SNTG1: variants seen among roughly 807,000 people sequenced by gnomAD.
SNTG1 encodes gamma-1-syntrophin.
SNTG1 carries 39 observed loss-of-function variants against 74.7 expected under a neutral mutation model. That is an observed-to-expected ratio of 0.52 (90% CI 0.40 to 0.68). SNTG1 has a LOEUF of 0.68. Among genes scored for constraint, SNTG1 ranks in the 30% least tolerant of loss-of-function variants. The pLI is 0.00. For synonymous variants in SNTG1, 254 were observed against 217.1 expected (o/e 1.17, Z -1.49); for missense variants, 685 against 609.5 (o/e 1.12, Z -1.30).
At chr8:49,983,831 C>G (rs1456128875) in intron 1 of SNTG1, among the ~76,000 whole-genome samples, 2 of 152,206 alleles carry the variant, frequency 1.3e-5, no homozygotes, top group Admixed American at 1.3e-4. Flanking sequence ...TAATGTTGCT[C>G]TACTGAAAAT....
intron 17 of SNTG1, among the ~76,000 whole-genome samples, chr8:50,734,534 A>G (rs1056689039): frequency 7.3e-4 from 110 of 150,934 alleles, no homozygotes; most frequent in Non-Finnish European, 1.4e-3. Context: ...TTTAAAATAT[A>G]AAAATTTTAA....
intron 12 of SNTG1, among the ~76,000 whole-genome samples, chr8:50,576,232 C>G (rs1274951979): frequency 1.3e-5 from 2 of 152,034 alleles, no homozygotes; most frequent in Non-Finnish European, 2.9e-5. Context: ...TTAGTTAATA[C>G]GACTGTCTTT....
chr8:50,669,525 G>C (rs999440948), intron 15 of SNTG1, among the ~76,000 whole-genome samples: 7 of 152,084 alleles, frequency 4.6e-5, no homozygotes, highest in Admixed American at 4.6e-4. Flanking sequence ...CCAATAACAG[G>C]ATCTGAAATT....
intron 17 of SNTG1, among the ~76,000 whole-genome samples, chr8:50,748,854 G>A (rs539564910): frequency 8.6e-5 from 13 of 152,002 alleles, no homozygotes; most frequent in East Asian, 5.9e-4. Context: ...TCCACTGACC[G>A]TTTCCCACCT....
intron 1 of SNTG1, among the ~76,000 whole-genome samples, chr8:50,074,827 C>A (rs545430986): frequency 3.8e-4 from 58 of 152,198 alleles, no homozygotes; most frequent in African/African-American, 1.3e-3. Context: ...AAAGCCAGAG[C>A]CAACTCCCTC....
intron 8 of SNTG1, among the ~76,000 whole-genome samples, chr8:50,454,266 G>C (rs1013027227): frequency 6.6e-6 from 1 of 152,082 alleles, no homozygotes; most frequent in Non-Finnish European, 1.5e-5. Context: ...GGAGGCCGAG[G>C]TGGGCAGATC....
At chr8:50,265,761 G>A (rs1016417161) in intron 2 of SNTG1, among the ~76,000 whole-genome samples, 2 of 151,772 alleles carry the variant, frequency 1.3e-5, no homozygotes, top group African/African-American at 2.4e-5. Context: ...AAAGTTCAGA[G>A]AGACATTAAA....
intron 1 of SNTG1, among the ~76,000 whole-genome samples, chr8:50,077,769 C>T (rs1822025913): frequency 6.6e-6 from 1 of 152,192 alleles, no homozygotes; most frequent in African/African-American, 2.4e-5. Flanking sequence ...TGGTGTGTGT[C>T]CAAGAATCTT....
intron 8 of SNTG1, among the ~76,000 whole-genome samples, chr8:50,475,169 T>C (rs866387331): frequency 6.6e-6 from 1 of 151,678 alleles, no homozygotes; most frequent in Non-Finnish European, 1.5e-5. Flanking sequence ...GTGGCACATG[T>C]ATGCATATGT....
intron 12 of SNTG1, among the ~76,000 whole-genome samples, chr8:50,558,908 T>C (rs2094471646): frequency 6.6e-6 from 1 of 152,250 alleles, no homozygotes; most frequent in African/African-American, 2.4e-5. Context: ...ATTCAACAAA[T>C]ATTTATTGAA....
At chr8:50,280,563 A>C (rs78402521) in intron 2 of SNTG1, among the ~76,000 whole-genome samples, 7,973 of 152,260 alleles carry the variant, frequency 0.052, 234 homozygotes, top group Middle Eastern at 0.12. Context: ...ACATCAATCA[A>C]TATATATGAG....
At chr8:50,173,031 A>G (rs369646103) in intron 2 of SNTG1, among the ~76,000 whole-genome samples, 42,083 of 152,000 alleles carry the variant, frequency 0.28, 5,924 homozygotes, top group Middle Eastern at 0.4. Flanking sequence ...GGAGTTACAC[A>G]TTTCAGTGAG....
intron 15 of SNTG1, among the ~76,000 whole-genome samples, chr8:50,669,384 A>C (rs1201022033): frequency 6.6e-6 from 1 of 152,184 alleles, no homozygotes; most frequent in Non-Finnish European, 1.5e-5. Flanking sequence ...ACAGAAATAC[A>C]AACTACCATC....
At chr8:50,449,612 T>TA (rs1440124270) in intron 5 of SNTG1, 56 bp from the exon 6 acceptor site, 23 of 1,430,454 alleles carry the variant, frequency 1.6e-5, no homozygotes, top group Non-Finnish European at 2.1e-5. Flanking sequence ...GTTTCTTAGC[T>TA]AAAAGCAGCA....
intron 1 of SNTG1, among the ~76,000 whole-genome samples, chr8:50,075,245 T>G (rs539756880): frequency 1.3e-5 from 2 of 152,294 alleles, no homozygotes; most frequent in South Asian, 2.1e-4. Flanking sequence ...GGCTGAGCAG[T>G]GCAGGCCTGC....
In SNTG1 at chr8:50,792,898, C is replaced by T; in HGVS notation, c.*69C>T. The T allele has an allele frequency of 6.9e-7, 1 of 1,451,718 alleles. No homozygotes were observed. The highest frequency in any genetic ancestry group is 9.1e-7 in the Non-Finnish European group (1 of 1,093,454). The allele number at this position is 1,451,718 out of a possible 1,614,324, so 89.9% of individuals were successfully genotyped here. ...GGACACATTTACTCATCATTTTAGA[C>T]CCTAGAGAAACCATAACATCACCAA... On this transcript the variant is annotated 3_prime_UTR_variant, in exon 19 of 19. Transcript: ENST00000642720.
intron 2 of SNTG1, among the ~76,000 whole-genome samples, chr8:50,376,826 C>T (rs2092397321): frequency 1.4e-5 from 2 of 146,242 alleles, no homozygotes; most frequent in African/African-American, 5.1e-5. Context: ...ATTACCTTGC[C>T]CTGAAGCTCT....
At chr8:50,705,593 C>T (rs2095440866) in intron 16 of SNTG1, among the ~76,000 whole-genome samples, 1 of 151,964 alleles carries the variant, frequency 6.6e-6, no homozygotes, top group Non-Finnish European at 1.5e-5. Context: ...TGCACACACT[C>T]AGTCTGTTTT....
chr8:50,383,874 A>G (rs1332931501), intron 2 of SNTG1, among the ~76,000 whole-genome samples: 1 of 152,164 alleles, frequency 6.6e-6, no homozygotes, highest in Non-Finnish European at 1.5e-5. Context: ...ATTTCTTTGC[A>G]TGTTGATTCA....
Sources: allele counts gnomAD v4.1 joint callset (sites outside exome capture counted in the v4.1 genomes callset), GRCh38; gene constraint gnomAD v4.1.1; transcripts MANE v1.5; gene names NCBI Gene and HGNC (gene_info 2026-07-23, HGNC 2026-07-21).